Variants in PTPRT observed in about 807,000 individuals in gnomAD.
The protein encoded by PTPRT is protein tyrosine phosphatase receptor type T, also known as receptor-type tyrosine-protein phosphatase T.
Under a neutral mutation model 176.8 loss-of-function variants are expected in PTPRT, and 56 were observed. The ratio of observed to expected loss-of-function variants is 0.32; its 90% CI spans 0.26 to 0.40. PTPRT has a LOEUF of 0.40. PTPRT is among the 10% of genes least tolerant of loss of function. The pLI is 1.00. For missense variants in PTPRT, 1,540 were observed against 1,908.2 expected, an observed-to-expected ratio of 0.81 and a Z score of 3.60; for synonymous variants, 783 against 739.0, an observed-to-expected ratio of 1.06 and a Z score of -0.96.
intron 11 of PTPRT, among the ~76,000 whole-genome samples, chr20:42,339,085 T>C (rs1490793706): frequency 1.3e-5 from 2 of 152,190 alleles, no homozygotes; most frequent in Non-Finnish European, 2.9e-5. Context: ...GAACTTTTTA[T>C]AGAGTGAAAG....
At chr20:42,694,705 T>G (rs1232752836) in intron 6 of PTPRT, among the ~76,000 whole-genome samples, 1 of 152,228 alleles carries the variant, frequency 6.6e-6, no homozygotes, top group African/African-American at 2.4e-5. Flanking sequence ...CTATTTCTTT[T>G]TAGCCATTCT....
chr20:43,119,376 A>G (rs2013174864), intron 1 of PTPRT, among the ~76,000 whole-genome samples: 1 of 152,202 alleles, frequency 6.6e-6, no homozygotes, highest in South Asian at 2.1e-4. Flanking sequence ...TTAAAATGCA[A>G]TTTATCCTTG....
intron 13 of PTPRT, among the ~76,000 whole-genome samples, chr20:42,254,832 C>G (rs1473688620): frequency 1.3e-5 from 2 of 152,184 alleles, no homozygotes; most frequent in African/African-American, 4.8e-5. Context: ...CCTGGATGCA[C>G]AACTAAGCCC....
intron 7 of PTPRT, among the ~76,000 whole-genome samples, chr20:42,639,424 C>G (rs1312064715): frequency 6.6e-6 from 1 of 152,150 alleles, no homozygotes; most frequent in Non-Finnish European, 1.5e-5. Context: ...CCCTGGCCAT[C>G]CACTGCCTTT....
intron 16 of PTPRT, among the ~76,000 whole-genome samples, chr20:42,177,591 A>C (rs1208339416): frequency 2.0e-5 from 3 of 152,220 alleles, no homozygotes; most frequent in Non-Finnish European, 4.4e-5. Flanking sequence ...TGTTTTATAT[A>C]GTAGATTCCA....
At chr20:42,780,036 C>T (rs994471662) in intron 4 of PTPRT, among the ~76,000 whole-genome samples, 182 bp downstream of exon 4, 6 of 151,834 alleles carry the variant, frequency 4.0e-5, no homozygotes, top group Non-Finnish European at 7.4e-5. Context: ...TTGAACAGGC[C>T]GGCAAAATTA....
intron 1 of PTPRT, among the ~76,000 whole-genome samples, chr20:42,964,010 C>T (rs1001242412): frequency 2.6e-5 from 4 of 152,034 alleles, no homozygotes; most frequent in South Asian, 2.1e-4. Context: ...AATGTAAATC[C>T]ACCATTCCTA....
At chr20:43,132,631 A>C (rs2013678394) in intron 1 of PTPRT, among the ~76,000 whole-genome samples, 1 of 152,228 alleles carries the variant, frequency 6.6e-6, no homozygotes, top group Admixed American at 6.5e-5. Context: ...TAAAAATATG[A>C]TTATTTTAAG....
intron 1 of PTPRT, among the ~76,000 whole-genome samples, chr20:43,092,563 G>T (rs890243716): frequency 5.9e-5 from 9 of 152,236 alleles, no homozygotes; most frequent in East Asian, 5.8e-4. Context: ...CCAAACATAC[G>T]ATGGAATCAC....
chr20:42,544,602 G>T (rs1185064107), intron 7 of PTPRT, among the ~76,000 whole-genome samples: 1 of 152,074 alleles, frequency 6.6e-6, no homozygotes, highest in East Asian at 1.9e-4. Context: ...CCAGACTTTG[G>T]GTAGAGGGGA....
At chr20:42,107,705 G>A (rs913796245) in intron 23 of PTPRT, among the ~76,000 whole-genome samples, 1 of 152,226 alleles carries the variant, frequency 6.6e-6, no homozygotes, top group African/African-American at 2.4e-5. Flanking sequence ...GCCTGTCAAG[G>A]AGGCCCCCTT....
Position 42,095,054 on chromosome 20 carries a change from T to C in PTPRT, c.3846+3367A>G, listed in dbSNP as rs142368428. 1.0e-3 allele frequency among the ~76,000 whole-genome samples: 157 copies of C among 152,194 alleles called. 2 individuals carry two copies. Among genetic ancestry groups the C allele is most frequent in the African/African-American group, 2.8e-3 (118 of 41,528 alleles). ...ATTCCTCTTTCTCTCTCTTATTCCATAGTCAATCTCTCTGGATGTGTTGTT... is the reference window on the plus strand; with the variant it reads ...ATTCCTCTTTCTCTCTCTTATTCCACAGTCAATCTCTCTGGATGTGTTGTT... On this transcript the variant is annotated intron_variant, in intron 27 of 30. Transcript: ENST00000373187.
chr20:43,052,594 G>A (rs1297659749), intron 1 of PTPRT, among the ~76,000 whole-genome samples: 2 of 152,162 alleles, frequency 1.3e-5, no homozygotes, highest in Non-Finnish European at 2.9e-5. Context: ...CTTCATATAG[G>A]ATGAGGTCAT....
the PTPRT span, among the ~76,000 whole-genome samples, chr20:42,033,430 T>C: frequency 6.6e-6 from 1 of 152,180 alleles, no homozygotes; most frequent in African/African-American, 2.4e-5. Context: ...TACTGGACAC[T>C]GTGCTCCACC....
At chr20:42,603,171 A>T (rs1769737811) in intron 7 of PTPRT, among the ~76,000 whole-genome samples, 1 of 152,226 alleles carries the variant, frequency 6.6e-6, no homozygotes, top group Non-Finnish European at 1.5e-5. Flanking sequence ...CCAATGGCAC[A>T]CACAATTTCA....
At chr20:42,590,014 G>A (rs2073541473) in intron 7 of PTPRT, among the ~76,000 whole-genome samples, 1 of 152,152 alleles carries the variant, frequency 6.6e-6, no homozygotes, top group Non-Finnish European at 1.5e-5. Context: ...GACCAATGGA[G>A]TATGGAGAAC....
chr20:42,989,587 T>C (rs573882531), intron 1 of PTPRT, among the ~76,000 whole-genome samples: 4 of 152,242 alleles, frequency 2.6e-5, no homozygotes, highest in Admixed American at 6.5e-5. Flanking sequence ...TTTATTATTA[T>C]ACAAAACTCC....
intron 8 of PTPRT, among the ~76,000 whole-genome samples, chr20:42,459,405 A>G (rs1196996979): frequency 6.6e-6 from 1 of 152,232 alleles, no homozygotes; most frequent in Non-Finnish European, 1.5e-5. Context: ...GATTTGCTTC[A>G]TGATTTAACA....
intron 2 of PTPRT, among the ~76,000 whole-genome samples, chr20:42,860,375 A>G (rs1366933825): frequency 6.6e-6 from 1 of 152,206 alleles, no homozygotes; most frequent in Admixed American, 6.5e-5. Flanking sequence ...TTCTCTTTTC[A>G]ACATTTGCTT....
Sources: allele counts gnomAD v4.1 joint callset (sites outside exome capture counted in the v4.1 genomes callset), GRCh38; gene constraint gnomAD v4.1.1; transcripts MANE v1.5; gene names NCBI Gene and HGNC (gene_info 2026-07-23, HGNC 2026-07-21).